Variants in ABI1 observed in about 807,000 individuals in gnomAD.
ABI1 encodes the protein abl interactor 1.
Under a neutral mutation model 54.6 loss-of-function variants are expected in ABI1, and 14 were observed. That is an observed-to-expected ratio of 0.26 (90% CI 0.17 to 0.40). ABI1 has a LOEUF of 0.40. ABI1 is among the 10% of genes least tolerant of loss of function. ABI1 has a pLI of 1.00. For synonymous variants in ABI1, 194 were observed against 209.3 expected (o/e 0.93, Z 0.63); for missense variants, 443 against 598.3 (o/e 0.74, Z 2.71).
chr10:26,760,276 T>C (rs1271875050), intron 7 of ABI1, among the ~76,000 whole-genome samples: 1 of 152,178 alleles, frequency 6.6e-6, no homozygotes, highest in Non-Finnish European at 1.5e-5. Context: ...GGGATTATTA[T>C]TATTTTCCTT....
chr10:26,760,031 C>T (rs923840824), intron 7 of ABI1, among the ~76,000 whole-genome samples: 7 of 150,880 alleles, frequency 4.6e-5, no homozygotes, highest in African/African-American at 1.7e-4. Flanking sequence ...TATTCTCTTT[C>T]TCCATGCCTG....
At chr10:26,858,565 G>T in intron 1 of ABI1, among the ~76,000 whole-genome samples, 1 of 125,226 alleles carries the variant, frequency 8.0e-6, no homozygotes, top group Non-Finnish European at 1.6e-5. Context: ...AAAAAAAAAC[G>T]GGGCCACTGA....
chr10:26,761,929 C>G (rs1329441510), intron 7 of ABI1, among the ~76,000 whole-genome samples: 1 of 151,976 alleles, frequency 6.6e-6, no homozygotes, highest in Non-Finnish European at 1.5e-5. Flanking sequence ...ACTACTGCTA[C>G]GAACATTCCT....
At chr10:26,794,767 G>A (rs1324105996) in intron 2 of ABI1, among the ~76,000 whole-genome samples, 2 of 151,964 alleles carry the variant, frequency 1.3e-5, no homozygotes, top group Non-Finnish European at 2.9e-5. Flanking sequence ...GTTTTTAACT[G>A]AGTTTACCTG....
At position 26,770,365 on chromosome 10, in the gene ABI1, GC is replaced by G. The variant is rs1479097206; in HGVS notation, c.478-21del. 14 of 1,598,982 alleles carry G rather than the reference GC, an allele frequency of 8.8e-6. No homozygotes were observed. Among genetic ancestry groups the G allele is most frequent in the African/African-American group, 1.3e-5 (1 of 74,578 alleles). ...TCCATGCTAAAATGTAGAAAGAAATGCTTTTATTTTTATATCAAATTGTTCT... is the reference window on the plus strand; with the variant it reads ...TCCATGCTAAAATGTAGAAAGAAATGTTTTATTTTTATATCAAATTGTTCT... On this transcript the variant is annotated intron_variant, in intron 4 of 10. Transcript: ENST00000376140.
Position 26,747,830 on chromosome 10 carries a change from CTTTTA to C in ABI1, c.*735_*739del, listed in dbSNP as rs1374189287. ...TCATAATTCTGCAATAAATCATTAT[CTTTTA>C]TTTTTTTTAAAGCAAATCAGTGAAG... On this transcript the variant is annotated 3_prime_UTR_variant, in exon 11 of 11. Coordinates refer to ENST00000376140, the MANE Select transcript of ABI1 (RefSeq NM_001012750.3). 5.2e-6 allele frequency: 1 copy of C among 192,610 alleles called. No individual in the cohort carries two copies. The highest frequency in any genetic ancestry group is 6.1e-5 in the Admixed American group (1 of 16,324). 11.9% of individuals were successfully genotyped at this position (192,610 alleles called of 1,614,324 possible).
At chr10:26,758,760 G>A (rs1024089703) in intron 8 of ABI1, among the ~76,000 whole-genome samples, 1 of 152,092 alleles carries the variant, frequency 6.6e-6, no homozygotes, top group African/African-American at 2.4e-5. Context: ...CAATGTTTTT[G>A]TTCTCTAGTT....
At chr10:26,828,882 A>G (rs2048478102) in intron 1 of ABI1, among the ~76,000 whole-genome samples, 1 of 152,232 alleles carries the variant, frequency 6.6e-6, no homozygotes, top group South Asian at 2.1e-4. Flanking sequence ...AGATTTTGAC[A>G]TAAGAAAATC....
intron 10 of ABI1, among the ~76,000 whole-genome samples, chr10:26,749,571 C>T (rs1395022134): frequency 2.6e-5 from 4 of 152,262 alleles, no homozygotes; most frequent in South Asian, 2.1e-4. Context: ...TGACCCATCA[C>T]GTGAGGTCAG....
chr10:26,747,818 A>G lies in ABI1; in HGVS notation c.*752T>C, dbSNP rs1837105456. On this transcript the variant is annotated 3_prime_UTR_variant, in exon 11 of 11. Transcript: ENST00000376140. ...GAGAAAATAGAATCATAATTCTGCA[A>G]TAAATCATTATCTTTTATTTTTTTT... The G allele has an allele frequency of 5.2e-6, 1 of 193,934 alleles. No individual in the cohort carries two copies. The highest frequency in any genetic ancestry group is 1.1e-5 in the Non-Finnish European group (1 of 93,138). The allele number at this position is 193,934 out of a possible 1,614,324, so 12.0% of individuals were successfully genotyped here. A position where few individuals can be genotyped will look rare whatever the true frequency, so the allele number is the denominator to read the frequency against.
intron 2 of ABI1, among the ~76,000 whole-genome samples, chr10:26,794,185 T>C (rs12265637): frequency 0.013 from 1,981 of 152,152 alleles, 49 homozygotes; most frequent in African/African-American, 0.044. Flanking sequence ...AGAGGTTGCA[T>C]TGAGCCAAGA....
intron 2 of ABI1, among the ~76,000 whole-genome samples, chr10:26,803,487 T>C (rs886262296): frequency 3.9e-5 from 6 of 152,202 alleles, no homozygotes; most frequent in African/African-American, 7.2e-5. Context: ...AGTGGAAATG[T>C]AGAGAACAAT....
intron 2 of ABI1, among the ~76,000 whole-genome samples, chr10:26,779,723 T>G (rs955135770): frequency 2.0e-5 from 3 of 152,150 alleles, no homozygotes; most frequent in East Asian, 3.9e-4. Context: ...CCTACCGCAG[T>G]CTACCTTGTC....
chr10:26,835,088 CAA>C (rs201431383), intron 1 of ABI1, among the ~76,000 whole-genome samples: 23 of 32,132 alleles, frequency 7.2e-4, no homozygotes, highest in African/African-American at 3.0e-3. Flanking sequence ...GATTCTACCT[CAA>C]AAAAAAAAAA....
intron 7 of ABI1, among the ~76,000 whole-genome samples, chr10:26,763,473 C>T (rs1032406263): frequency 1.3e-5 from 2 of 152,102 alleles, no homozygotes; most frequent in African/African-American, 4.8e-5. Flanking sequence ...CCTCAGAGTA[C>T]CCCATCCCAC....
chr10:26,860,679 C>A lies in ABI1; in HGVS notation c.117+68G>T. On this transcript the variant is annotated intron_variant, in intron 1 of 10. Coordinates refer to ENST00000376140, the MANE Select transcript of ABI1 (RefSeq NM_001012750.3). The surrounding 1 kb of genome is among the most constrained non-coding windows in gnomAD (Gnocchi z 4.1). ...AGGTCAGGGCAGTTCCCCACCCCGC[C>A]CAGTGGGCTGGTCACTCCGGCGGGT... 7.7e-7 allele frequency: 1 copy of A among 1,290,712 alleles called. No individual in the cohort carries two copies. The highest frequency in any genetic ancestry group is 2.3e-5 in the East Asian group (1 of 43,352). The allele number at this position is 1,290,712 out of a possible 1,614,324, so 80.0% of individuals were successfully genotyped here.
chr10:26,802,245 T>C (rs983516351), intron 2 of ABI1, among the ~76,000 whole-genome samples: 3 of 152,222 alleles, frequency 2.0e-5, no homozygotes, highest in Non-Finnish European at 2.9e-5. Context: ...AACCTTTAAA[T>C]GCCATTAAAA....
chr10:26,855,268 A>C (rs1318546280), intron 1 of ABI1, among the ~76,000 whole-genome samples: 1 of 152,206 alleles, frequency 6.6e-6, no homozygotes, highest in East Asian at 1.9e-4. Flanking sequence ...CACAACCTGG[A>C]AACAATGGTA....
At chr10:26,783,792 A>G (rs78743805) in intron 2 of ABI1, among the ~76,000 whole-genome samples, 3,387 of 152,332 alleles carry the variant, frequency 0.022, 95 homozygotes, top group African/African-American at 0.071. Flanking sequence ...GTCTTAAATA[A>G]TAATGACCAC....
Sources: gnomAD v4.1 joint callset for allele counts (sites outside exome capture counted in the v4.1 genomes callset) on GRCh38, gnomAD v4.1.1 for gene constraint, Gnocchi (gnomAD v3.1) non-coding constraint, MANE v1.5 for transcripts, NCBI Gene and HGNC (gene_info 2026-07-23, HGNC 2026-07-21) for gene names.